The following MGMT variants were observed in gnomAD, a reference collection of about 807,000 sequenced individuals.
MGMT encodes the protein O-6-methylguanine-DNA methyltransferase, also known as methylated-DNA--protein-cysteine methyltransferase.
Under a neutral mutation model 15.9 loss-of-function variants are expected in MGMT, and 14 were observed. The observed-to-expected ratio is 0.88, with a 90% CI of 0.58 to 1.37. The LOEUF (loss-of-function observed/expected upper bound fraction) is 1.37. Among genes scored for constraint, MGMT ranks in the 40% most tolerant of loss-of-function variants. MGMT has a pLI of 0.00. For missense variants in MGMT, 282 were observed against 268.1 expected (o/e 1.05, Z -0.36); for synonymous variants, 130 against 118.2 (o/e 1.10, Z -0.65).
At chr10:129,759,821 C>T (rs151230082) in intron 4 of MGMT, among the ~76,000 whole-genome samples, 1 of 152,266 alleles carries the variant, frequency 6.6e-6, no homozygotes, top group African/African-American at 2.4e-5. Flanking sequence ...GGGCTGCACT[C>T]CCCCTGAGGC....
At chr10:129,555,116 C>T (rs1170407300) in intron 2 of MGMT, among the ~76,000 whole-genome samples, 1 of 152,198 alleles carries the variant, frequency 6.6e-6, no homozygotes, top group Non-Finnish European at 1.5e-5. Flanking sequence ...CTATTTCTAC[C>T]ACTTCCTAAG....
At chr10:129,544,497 A>C (rs1333257256) in intron 2 of MGMT, among the ~76,000 whole-genome samples, 2 of 152,190 alleles carry the variant, frequency 1.3e-5, no homozygotes, top group Non-Finnish European at 2.9e-5. Flanking sequence ...TCTAGGATTC[A>C]TAATCTTGCA....
chr10:129,640,797 A>G (rs867056042), intron 2 of MGMT, among the ~76,000 whole-genome samples: 1 of 152,232 alleles, frequency 6.6e-6, no homozygotes, highest in Non-Finnish European at 1.5e-5. Flanking sequence ...TATGAATGTA[A>G]GACTGTTCAG....
chr10:129,511,578 C>T (rs1845684097), intron 1 of MGMT, among the ~76,000 whole-genome samples: 3 of 152,298 alleles, frequency 2.0e-5, no homozygotes, highest in Non-Finnish European at 4.4e-5. Context: ...AAAGTAGTTG[C>T]GTTAAGCCAG....
intron 3 of MGMT, among the ~76,000 whole-genome samples, chr10:129,729,071 C>A (rs1306540369): frequency 1.3e-5 from 2 of 152,042 alleles, no homozygotes; most frequent in Non-Finnish European, 2.9e-5. Flanking sequence ...GGGGCCCCTG[C>A]CACTGGGTGG....
intron 2 of MGMT, chr10:129,700,336 A>G (rs1342432940): frequency 6.6e-6 from 1 of 152,246 alleles, no homozygotes; most frequent in Non-Finnish European, 1.5e-5. Context: ...GAACTATAGA[A>G]TATTCAAATA....
intron 1 of MGMT, among the ~76,000 whole-genome samples, chr10:129,515,384 C>T (rs986644365): frequency 2.0e-5 from 3 of 152,144 alleles, no homozygotes; most frequent in Admixed American, 6.5e-5. Flanking sequence ...GGGGGATTTC[C>T]GCAAGGCCCC....
chr10:129,707,530 G>A (rs868698788), intron 2 of MGMT, among the ~76,000 whole-genome samples: 2 of 152,290 alleles, frequency 1.3e-5, no homozygotes, highest in Middle Eastern at 6.8e-3. Flanking sequence ...TGGGCCGTGT[G>A]GTGCAGTCTA....
chr10:129,603,902 C>T (rs1322075117), intron 2 of MGMT, among the ~76,000 whole-genome samples: 5 of 152,210 alleles, frequency 3.3e-5, no homozygotes, highest in Admixed American at 3.3e-4. Context: ...AAGATATTAA[C>T]CCTGTGCCCT....
At chr10:129,564,995 C>G (rs559535959) in intron 2 of MGMT, among the ~76,000 whole-genome samples, 27 of 152,294 alleles carry the variant, frequency 1.8e-4, no homozygotes, top group African/African-American at 5.8e-4. Flanking sequence ...GTCTTTCCCC[C>G]AGCAGATTAA....
intron 2 of MGMT, among the ~76,000 whole-genome samples, chr10:129,647,199 G>T (rs1211055312): frequency 6.6e-6 from 1 of 152,180 alleles, no homozygotes; most frequent in Non-Finnish European, 1.5e-5. Flanking sequence ...CTGCGGAATG[G>T]TGGTCGCTCT....
intron 2 of MGMT, among the ~76,000 whole-genome samples, chr10:129,567,378 T>A (rs1354384505): frequency 6.6e-6 from 1 of 152,126 alleles, no homozygotes; most frequent in African/African-American, 2.4e-5. Context: ...CCAGTGGCCT[T>A]CTTGCCCATA....
intron 2 of MGMT, among the ~76,000 whole-genome samples, chr10:129,592,305 A>C (rs1390382567): frequency 6.6e-6 from 1 of 152,192 alleles, no homozygotes; most frequent in African/African-American, 2.4e-5. Context: ...TAATTTTGAG[A>C]AACTTGCACC....
At position 129,759,850 on chromosome 10, in the gene MGMT, C is replaced by T. The variant is rs191140713; in HGVS notation, c.414+509C>T. On this transcript the variant is annotated intron_variant, in intron 4 of 4. Coordinates refer to ENST00000651593, the MANE Select transcript of MGMT (RefSeq NM_002412.5). ...CTGAGGCCCAGGGCTCCCTGGGTCC[C>T]AAGAGCTAAAGCACCACACGTGAGC... is the stretch of plus-strand genomic sequence containing the variant. 1.4e-3 allele frequency among the ~76,000 whole-genome samples: 207 copies of T among 152,278 alleles called. 2 individuals are homozygous for T. Among genetic ancestry groups the T allele is most frequent in the African/African-American group, 4.5e-3 (186 of 41,566 alleles).
At chr10:129,594,014 G>C (rs1029780175) in intron 2 of MGMT, among the ~76,000 whole-genome samples, 7 of 152,194 alleles carry the variant, frequency 4.6e-5, no homozygotes, top group Non-Finnish European at 1.0e-4. Flanking sequence ...GGTTTTATGA[G>C]CTGGACTGAG....
intron 2 of MGMT, among the ~76,000 whole-genome samples, chr10:129,538,181 G>C (rs1325214677): frequency 6.6e-6 from 1 of 152,170 alleles, no homozygotes; most frequent in Non-Finnish European, 1.5e-5. Context: ...ATAGAAGTCA[G>C]ATTTCAAGTG....
intron 1 of MGMT, among the ~76,000 whole-genome samples, chr10:129,478,386 T>G (rs570096612): frequency 3.9e-5 from 6 of 152,064 alleles, no homozygotes; most frequent in Non-Finnish European, 7.3e-5. Flanking sequence ...TGAGACTGTT[T>G]GGAGGTCTCT....
At chr10:129,712,473 A>G (rs1480753309) in intron 3 of MGMT, among the ~76,000 whole-genome samples, 2 of 152,192 alleles carry the variant, frequency 1.3e-5, no homozygotes, top group Non-Finnish European at 2.9e-5. Context: ...AAGTTTTTGT[A>G]ACTTCTATTA....
At chr10:129,576,750 C>G (rs1362946690) in intron 2 of MGMT, among the ~76,000 whole-genome samples, 1 of 152,196 alleles carries the variant, frequency 6.6e-6, no homozygotes, top group African/African-American at 2.4e-5. Context: ...CAAATTGTCC[C>G]TGTTTGCAGA....
Sources: gnomAD v4.1 joint callset for allele counts (sites outside exome capture counted in the v4.1 genomes callset) on GRCh38, gnomAD v4.1.1 for gene constraint, MANE v1.5 for transcripts, NCBI Gene and HGNC (gene_info 2026-07-23, HGNC 2026-07-21) for gene names.